ADPRHL1: variants seen among roughly 807,000 people sequenced by gnomAD.
ADPRHL1 encodes the protein inactive ADP-ribosyltransferase ARH2.
In ADPRHL1, 43 loss-of-function variants were observed where a neutral mutation model predicts 44.1. That is an observed-to-expected ratio of 0.98 (90% CI 0.76 to 1.26). The LOEUF is 1.26. ADPRHL1 is among the 50% of genes most tolerant of loss of function. ADPRHL1 has a pLI of 0.00. For missense variants in ADPRHL1, 2,022 were observed against 2,496.9 expected (o/e 0.81, Z 4.05); for synonymous variants, 878 against 1,017.4 (o/e 0.86, Z 2.61).
In ADPRHL1 at chr13:113,453,396, G is replaced by A. The variant is rs145442241; in HGVS notation, c.42C>T (p.Gly14=). Residue 14 remains glycine, a synonymous_variant, in exon 1 of 8, where the codon GGC becomes GGT. Coordinates refer to ENST00000612156, the MANE Select transcript of ADPRHL1 (RefSeq NM_001394807.1). The surrounding 1 kb of genome is among the most constrained non-coding windows in gnomAD (Gnocchi z 5.4). The part of the protein sequence containing the change: ...FKAAMLLGSV[G]DALGYRNVCK... ...AGACATTTCTGTAGCCAAGAGCATCGCCGACGCTCCCCAGCAACATCGCAG... is the reference window on the plus strand; with the variant it reads ...AGACATTTCTGTAGCCAAGAGCATCACCGACGCTCCCCAGCAACATCGCAG... 493 of 1,614,076 alleles carry A rather than the reference G, an allele frequency of 3.1e-4. No individual in the cohort carries two copies. The highest frequency in any genetic ancestry group is 4.0e-4 in the Non-Finnish European group (469 of 1,180,018).
At chr13:113,423,042 G>A (rs1202987406) in intron 6 of ADPRHL1, 63 bp from the exon 7 acceptor site, 3 of 1,600,688 alleles carry the variant, frequency 1.9e-6, no homozygotes, top group Non-Finnish European at 2.6e-6. Context: ...CAAGACCCCT[G>A]GGGCTGGCCG....
chr13:113,406,670 C>CAAG lies in ADPRHL1; in HGVS notation c.2609_2611dup (p.Pro870_Cys871insSer), dbSNP rs35896628. 757,438 of 1,231,300 alleles carry CAAG rather than the reference C, an allele frequency of 0.62. 238,184 individuals carry two copies. The highest frequency in any genetic ancestry group is 0.84 in the African/African-American group (54,104 of 64,316). The allele number at this position is 1,231,300 out of a possible 1,614,324, so 76.3% of individuals were successfully genotyped here. On this transcript the variant is annotated inframe_insertion, in exon 8 of 8. Transcript: ENST00000612156. ...AACCACATTCTCTCCTCCACAAATACAAGGTTTGTTTTCACCACTTGACAT... is the reference window on the plus strand; with the variant it reads ...AACCACATTCTCTCCTCCACAAATACAAGAAGGTTTGTTTTCACCACTTGACAT...
At chr13:113,408,340 A>G in intron 7 of ADPRHL1, 120 bp from the exon 8 acceptor site, 1 of 1,042,140 alleles carries the variant, frequency 9.6e-7, no homozygotes, top group East Asian at 3.2e-5. Context: ...TGGTAGGGAG[A>G]AAAAGAGATT....
At chr13:113,430,582 T>C (rs2043999649) in intron 3 of ADPRHL1, among the ~76,000 whole-genome samples, 1 of 152,068 alleles carries the variant, frequency 6.6e-6, no homozygotes, top group Non-Finnish European at 1.5e-5. Context: ...GCAGCAGTGG[T>C]TGTCGTACTA....
In ADPRHL1 at chr13:113,407,898, G is replaced by A; in HGVS notation, c.1384C>T (p.Pro462Ser). The change falls in exon 8 of 8, where the codon CCG (proline) becomes TCG (serine). Residue 462 changes from proline (P) to serine (S), a missense_variant. By Grantham distance (74) the Pro-to-Ser change is moderately conservative. Coordinates refer to ENST00000612156, the MANE Select transcript of ADPRHL1 (RefSeq NM_001394807.1). ...GTGGCACCCACGAGGCCCCCACCCG[G>A]CCCCTGCTTGTCCTTGGAGATCAGC... ...GRLISKDKQG[P>S]GGGLVGATIN... 1 of 1,231,894 alleles carries A rather than the reference G, an allele frequency of 8.1e-7. No homozygotes were observed. Among genetic ancestry groups the A allele is most frequent in the Non-Finnish European group, 1.0e-6 (1 of 987,936 alleles). 76.3% of individuals were successfully genotyped at this position (1,231,894 alleles called of 1,614,324 possible). A position where few individuals can be genotyped will look rare whatever the true frequency, so the allele number is the denominator to read the frequency against.
rs1374540254 is a variant in ADPRHL1 at position 113,399,668 on chromosome 13, A to T, written c.*3710T>A. 6.6e-6 allele frequency: 1 copy of T among 152,138 alleles called. No homozygotes were observed. The allele number at this position is 152,138 out of a possible 1,614,324, so 9.4% of individuals were successfully genotyped here. ...TTATTTCCAGCTGAATGATGTTAGT[A>T]AAAATACAGAGAGAATACAACAAAT... On this transcript the variant is annotated 3_prime_UTR_variant, in exon 8 of 8. Coordinates refer to ENST00000612156, the MANE Select transcript of ADPRHL1 (RefSeq NM_001394807.1).
At chr13:113,408,746 C>T (rs1341262552) in intron 7 of ADPRHL1, among the ~76,000 whole-genome samples, 1 of 151,924 alleles carries the variant, frequency 6.6e-6, no homozygotes, top group Non-Finnish European at 1.5e-5. Flanking sequence ...CAGCAAACCG[C>T]TCAGGCTTGG....
chr13:113,418,329 G>A (rs763529702), intron 7 of ADPRHL1, among the ~76,000 whole-genome samples: 8 of 152,290 alleles, frequency 5.3e-5, no homozygotes, highest in East Asian at 3.9e-4. Flanking sequence ...CATGGTTCTC[G>A]GTCTGACGGG....
At chr13:113,452,599 T>TA (rs1337491817) in intron 1 of ADPRHL1, among the ~76,000 whole-genome samples, 1 of 152,218 alleles carries the variant, frequency 6.6e-6, no homozygotes, top group Non-Finnish European at 1.5e-5. Context: ...ATTTGCTACT[T>TA]AAAGGTATTT....
Position 113,441,483 on chromosome 13 carries a change from C to T in ADPRHL1, c.379+2942G>A, listed in dbSNP as rs1274415676. Among the ~76,000 whole-genome samples, 1 of 152,180 alleles carries T rather than the reference C, an allele frequency of 6.6e-6. No homozygotes were observed. Among genetic ancestry groups the T allele is most frequent in the Non-Finnish European group, 1.5e-5 (1 of 68,040 alleles). ...AGCTCGTTACAGCTGTGGGATGACA[C>T]TGTGGCATACACGGTGTGGGAACCT... On this transcript the variant is annotated intron_variant, in intron 2 of 7. Transcript: ENST00000612156. This position sits in a 1 kb window ranked among gnomAD's most constrained non-coding sequence, Gnocchi z 6.0.
rs533471278 is a variant in ADPRHL1 at position 113,409,147 on chromosome 13, C to T, written c.1062-927G>A. On this transcript the variant is annotated intron_variant, in intron 7 of 7. Transcript: ENST00000612156. The surrounding 1 kb of genome is among the most constrained non-coding windows in gnomAD (Gnocchi z 4.2). Reference sequence around the variant, plus strand: ...CAGCCCAGCTTTCAAAGAGACGGGACCAAATGGGTCTTGGCTGGAGAGACA... The same window carrying T: ...CAGCCCAGCTTTCAAAGAGACGGGATCAAATGGGTCTTGGCTGGAGAGACA... Among the ~76,000 whole-genome samples the T allele has an allele frequency of 6.6e-6, 1 of 152,306 alleles. No homozygotes were observed. Among genetic ancestry groups the T allele is most frequent in the African/African-American group, 2.4e-5 (1 of 41,578 alleles).
intron 1 of ADPRHL1, among the ~76,000 whole-genome samples, chr13:113,449,930 G>A (rs998732516): frequency 6.6e-6 from 1 of 152,184 alleles, no homozygotes; most frequent in Non-Finnish European, 1.5e-5. Flanking sequence ...GTGGCACTGG[G>A]CAAGCGCCTG....
At position 113,410,189 on chromosome 13, in the gene ADPRHL1, T is replaced by C. The variant is rs375036091; in HGVS notation, c.1062-1969A>G. On this transcript the variant is annotated intron_variant, in intron 7 of 7. Coordinates refer to ENST00000612156, the MANE Select transcript of ADPRHL1 (RefSeq NM_001394807.1). ...CCGCAGATGGAACACAGGACTCCGC[T>C]TCCCCCACCTTCCCGAGACGCCTCC... The C allele has an allele frequency of 1.1e-4, 105 of 927,444 alleles. No homozygotes were observed. In the African/African-American group the frequency reaches 1.7e-3, roughly 15 times the overall value. 57.5% of individuals were successfully genotyped at this position (927,444 alleles called of 1,614,324 possible).
rs148798718 is a variant in ADPRHL1, at chr13:113,452,038, G to A, written c.214+1186C>T. On this transcript the variant is annotated intron_variant, in intron 1 of 7. Coordinates refer to ENST00000612156, the MANE Select transcript of ADPRHL1 (RefSeq NM_001394807.1). Reference sequence around the variant, plus strand: ...GCAGAGCTGGTATGAGCGCACACACGGCATCAGACGCCCAGAGGAAGCCAA... The same window carrying A: ...GCAGAGCTGGTATGAGCGCACACACAGCATCAGACGCCCAGAGGAAGCCAA... Among the ~76,000 whole-genome samples the A allele has an allele frequency of 8.3e-4, 127 of 152,254 alleles. 1 individual carries two copies. In the East Asian group the frequency reaches 0.022, roughly 26 times the overall value.
chr13:113,408,274 ACT>A (rs1181284527), intron 7 of ADPRHL1, 54 bp from the exon 8 acceptor site: 10 of 1,230,522 alleles, frequency 8.1e-6, no homozygotes, highest in Non-Finnish European at 1.0e-5. Flanking sequence ...CTCCAAGATG[ACT>A]CTATAGAACA....
At chr13:113,428,465 G>A (rs1566474495) in intron 4 of ADPRHL1, among the ~76,000 whole-genome samples, 2 of 152,226 alleles carry the variant, frequency 1.3e-5, no homozygotes, top group Non-Finnish European at 2.9e-5. Context: ...TCCGTGGGGT[G>A]GAAGAATCTT....
chr13:113,424,121 C>T (rs187023854), intron 6 of ADPRHL1, 96 bp downstream of exon 6: 469 of 1,488,716 alleles, frequency 3.2e-4, no homozygotes, highest in Non-Finnish European at 3.9e-4. Context: ...CAGGAGGTGG[C>T]CCCTGAATGC....
intron 2 of ADPRHL1, among the ~76,000 whole-genome samples, chr13:113,443,647 A>T (rs1235794191): frequency 6.6e-6 from 1 of 151,328 alleles, no homozygotes; most frequent in Non-Finnish European, 1.5e-5. Context: ...AAATGATTAA[A>T]AAAAATTTAA....
At chr13:113,418,376 AGCGGCT>A (rs1458041786) in intron 7 of ADPRHL1, among the ~76,000 whole-genome samples, 2 of 152,148 alleles carry the variant, frequency 1.3e-5, no homozygotes, top group Admixed American at 6.5e-5. Flanking sequence ...GGGTGCTCTG[AGCGGCT>A]GCCCTGCCCA....
Sources: allele counts gnomAD v4.1 joint callset (sites outside exome capture counted in the v4.1 genomes callset), GRCh38; gene constraint gnomAD v4.1.1; non-coding constraint Gnocchi (gnomAD v3.1); transcripts MANE v1.5; gene names NCBI Gene and HGNC (gene_info 2026-07-23, HGNC 2026-07-21).